Variants in FAAH2 observed in about 807,000 individuals in gnomAD.
FAAH2 encodes the protein fatty-acid amide hydrolase 2.
Under a neutral mutation model 36.9 loss-of-function variants are expected in FAAH2, and 60 were observed. The ratio of observed to expected loss-of-function variants is 1.63; its 90% CI spans 1.32 to 2.02. FAAH2 has a LOEUF of 2.02. Among genes scored for constraint, FAAH2 ranks in the 30% most tolerant of loss-of-function variants. FAAH2 has a pLI of 0.00. For missense variants in FAAH2, 689 were observed against 397.5 expected (o/e 1.73, Z -6.23); for synonymous variants, 214 against 143.8 (o/e 1.49, Z -3.49).
the FAAH2 span, among the ~76,000 whole-genome samples, chrX:57,187,340 G>A: frequency 2.7e-5 from 3 of 110,368 alleles, no homozygotes; most frequent in South Asian, 3.8e-4. Flanking sequence ...GTGAATGGGG[G>A]TTCACTCATA....
intron 7 of FAAH2, among the ~76,000 whole-genome samples, chrX:57,421,367 G>T (rs1436063878): frequency 1.8e-5 from 2 of 112,130 alleles, no homozygotes; most frequent in Non-Finnish European, 3.8e-5. Flanking sequence ...CCGGAGAGTT[G>T]CTTGAACCCA....
intron 4 of FAAH2, among the ~76,000 whole-genome samples, chrX:57,336,122 A>G (rs1357016227): frequency 9.0e-6 from 1 of 111,011 alleles, no homozygotes; most frequent in Non-Finnish European, 1.9e-5. Flanking sequence ...TTCCTACCTT[A>G]ACTAATGACA....
the FAAH2 span, among the ~76,000 whole-genome samples, chrX:57,230,181 C>G: frequency 8.9e-6 from 1 of 112,018 alleles, no homozygotes; most frequent in African/African-American, 3.2e-5. Flanking sequence ...ACTTCTTTTC[C>G]ACCCAAACTT....
chrX:57,419,142 A>T (rs2055934828), intron 7 of FAAH2, among the ~76,000 whole-genome samples: 1 of 109,674 alleles, frequency 9.1e-6, no homozygotes, highest in Non-Finnish European at 1.9e-5. Context: ...GTTGGTTCCA[A>T]GTCTTTGCTA....
intron 5 of FAAH2, among the ~76,000 whole-genome samples, chrX:57,358,153 A>AT (rs1446469152): frequency 6.8e-5 from 6 of 87,870 alleles, no homozygotes; most frequent in Admixed American, 4.0e-4. Flanking sequence ...TTAGTTTGAG[A>AT]TCTTTTTTTT....
intron 10 of FAAH2, among the ~76,000 whole-genome samples, chrX:57,449,030 G>A (rs1436153636): frequency 9.0e-6 from 1 of 111,131 alleles, no homozygotes; most frequent in Non-Finnish European, 1.9e-5. Flanking sequence ...AGTCTCCCCT[G>A]GCTGCTCTGA....
At chrX:57,179,601 G>A in the FAAH2 span, among the ~76,000 whole-genome samples, 3 of 111,708 alleles carry the variant, frequency 2.7e-5, no homozygotes, top group Admixed American at 2.8e-4. Flanking sequence ...CAATACAGGA[G>A]CACCAAGATT....
At chrX:57,286,169 G>A (rs1157354809), upstream of FAAH2, among the ~76,000 whole-genome samples, 1 of 111,893 alleles carries the variant, frequency 8.9e-6, no homozygotes, top group Non-Finnish European at 1.9e-5. Flanking sequence ...CAAGTGTCCA[G>A]TTTAGGAGAC....
intron 7 of FAAH2, among the ~76,000 whole-genome samples, chrX:57,389,600 G>A (rs377473475): frequency 2.4e-4 from 26 of 109,870 alleles, no homozygotes; most frequent in African/African-American, 8.6e-4. Flanking sequence ...TGTATATACA[G>A]CATTTTCTTT....
Position 57,385,514 on chromosome X carries a change from A to G in FAAH2, c.996+4485A>G, listed in dbSNP as rs1275802540. The stretch of plus-strand genomic sequence containing the variant: ...TTACTGCCTTCTCCAGAGGGGAGAA[A>G]CATGGCAGAAGGGTGGAAGAGACAG... On this transcript the variant is annotated intron_variant, in intron 7 of 10. Transcript: ENST00000374900. 4.5e-5 allele frequency among the ~76,000 whole-genome samples: 5 copies of G among 111,590 alleles called. No homozygotes were observed. In the East Asian group the frequency reaches 1.4e-3, roughly 32 times the overall value.
intron 4 of FAAH2, among the ~76,000 whole-genome samples, chrX:57,334,095 C>G (rs1367969587): frequency 9.1e-6 from 1 of 110,325 alleles, no homozygotes; most frequent in Non-Finnish European, 1.9e-5. Flanking sequence ...CATGTTGAAT[C>G]CCCATCTCTA....
At chrX:57,229,304 A>G in the FAAH2 span, 1 of 111,418 alleles carries the variant, frequency 9.0e-6, no homozygotes, top group East Asian at 2.8e-4. Flanking sequence ...ATTTCATGCT[A>G]TATTTCTGGG....
At chrX:57,331,228 A>C (rs1177220842) in intron 3 of FAAH2, among the ~76,000 whole-genome samples, 1 of 111,506 alleles carries the variant, frequency 9.0e-6, no homozygotes, top group Non-Finnish European at 1.9e-5. Flanking sequence ...CCAAGTGTCC[A>C]TGGTGGTCAA....
At chrX:57,388,928 G>C (rs745635679) in intron 7 of FAAH2, among the ~76,000 whole-genome samples, 1 of 109,719 alleles carries the variant, frequency 9.1e-6, no homozygotes, top group Non-Finnish European at 1.9e-5. Context: ...TCTTTTCGTG[G>C]CTTGGTAACT....
chrX:57,322,859 T>C (rs2053074861), intron 3 of FAAH2, among the ~76,000 whole-genome samples: 1 of 110,435 alleles, frequency 9.1e-6, no homozygotes, highest in African/African-American at 3.3e-5. Flanking sequence ...ATACTTTAAG[T>C]TTTAGGGTAC....
intron 5 of FAAH2, among the ~76,000 whole-genome samples, chrX:57,341,667 G>T (rs1488040819): frequency 1.9e-5 from 2 of 107,635 alleles, no homozygotes; most frequent in Admixed American, 1.0e-4. Flanking sequence ...CAAATTCAAA[G>T]CTCAGAAAGA....
the FAAH2 span, among the ~76,000 whole-genome samples, chrX:57,257,840 A>T: frequency 9.0e-6 from 1 of 111,686 alleles, no homozygotes; most frequent in Non-Finnish European, 1.9e-5. Flanking sequence ...AATAATTGAA[A>T]ATATATCTTG....
intron 7 of FAAH2, among the ~76,000 whole-genome samples, chrX:57,404,729 A>G (rs921435561): frequency 9.0e-6 from 1 of 111,454 alleles, no homozygotes; most frequent in African/African-American, 3.3e-5. Context: ...AGGCAGGGAG[A>G]GGAGGAAGTA....
intron 7 of FAAH2, among the ~76,000 whole-genome samples, chrX:57,431,010 G>C (rs746891354): frequency 2.7e-5 from 3 of 111,422 alleles, no homozygotes; most frequent in Non-Finnish European, 5.7e-5. Flanking sequence ...GACACCTTTT[G>C]GTCTATGTGT....
Sources: gnomAD v4.1 joint callset for allele counts (sites outside exome capture counted in the v4.1 genomes callset) on GRCh38, gnomAD v4.1.1 for gene constraint, MANE v1.5 for transcripts, NCBI Gene and HGNC (gene_info 2026-07-23, HGNC 2026-07-21) for gene names.